MTCH2: variants seen among roughly 807,000 people sequenced by gnomAD.
The protein encoded by MTCH2 is mitochondrial carrier 2.
In MTCH2, 25 loss-of-function variants were observed where a neutral mutation model predicts 50.6. That is an observed-to-expected ratio of 0.49 (90% confidence interval 0.36 to 0.69). The LOEUF is 0.69. Among genes scored for constraint, MTCH2 ranks in the 30% least tolerant of loss-of-function variants. MTCH2 has a pLI of 0.00. For synonymous variants in MTCH2, 106 were observed against 132.0 expected (o/e 0.80, Z 1.35); for missense variants, 273 against 384.4 (o/e 0.71, Z 2.42).
chr11:47,635,665 G>T, intron 3 of MTCH2, 94 bp from the exon 4 acceptor site: 3 of 1,251,804 alleles, frequency 2.4e-6, no homozygotes, highest in Non-Finnish European at 3.3e-6. Context: ...AAGTAAATTA[G>T]CTGAAGTTTT....
intron 10 of MTCH2, 129 bp from the exon 11 acceptor site, chr11:47,625,870 G>A: frequency 1.6e-6 from 1 of 615,070 alleles, no homozygotes; most frequent in South Asian, 2.3e-5. Flanking sequence ...TCGGTACCCT[G>A]GAAAGACAAC....
At position 47,639,018 on chromosome 11, in the gene MTCH2, G is replaced by A; in HGVS notation, c.121C>T (p.Arg41Ter). Residue 41 changes from arginine to a stop codon, truncating the protein, a stop_gained, in exon 2 of 13, where the codon CGA becomes TGA. Transcript: ENST00000302503. LOFTEE classifies it high-confidence loss of function. ...CACACTTGCCGCCCAAAAATATTTCGTCCTATTGTTGGAGGAAGAGGCTCA... is the reference window on the plus strand; with the variant it reads ...CACACTTGCCGCCCAAAAATATTTCATCCTATTGTTGGAGGAAGAGGCTCA... Reference protein sequence around the residue: ...GYEPLPPTIGRNIFGRQVCQL... With the variant: ...GYEPLPPTIG 11 of 1,613,490 alleles carry A rather than the reference G, an allele frequency of 6.8e-6. No individual in the cohort carries two copies. Among genetic ancestry groups the A allele is most frequent in the South Asian group, 1.1e-5 (1 of 90,944 alleles).
chr11:47,625,558 A>T, intron 11 of MTCH2, 116 bp downstream of exon 11: 1 of 790,260 alleles, frequency 1.3e-6, no homozygotes. Flanking sequence ...CTTTTTAAAA[A>T]AATACCAATC....
At chr11:47,609,439 CAG>C in the MTCH2 span, among the ~76,000 whole-genome samples, 2 of 120,144 alleles carry the variant, frequency 1.7e-5, no homozygotes, top group Non-Finnish European at 3.2e-5. Context: ...GCCTGGGCGA[CAG>C]AGTGAGATTC....
At chr11:47,622,303 C>A (rs2097294018) in intron 12 of MTCH2, among the ~76,000 whole-genome samples, 1 of 152,056 alleles carries the variant, frequency 6.6e-6, no homozygotes, top group African/African-American at 2.4e-5. Context: ...AAGTATAAGA[C>A]CAGCTCTGTC....
rs1404241762 is a variant in MTCH2 at position 47,629,060 on chromosome 11, C to T, written c.540-14G>A. On this transcript the variant is annotated splice_polypyrimidine_tract_variant and intron_variant, in intron 8 of 12. Coordinates refer to ENST00000302503, the MANE Select transcript of MTCH2 (RefSeq NM_014342.4). Reference sequence around the variant, plus strand: ...GGAACAAGACCCCTACATGAAGAAACAATAAAAATAAGAACCAAAAAATGT... The same window carrying T: ...GGAACAAGACCCCTACATGAAGAAATAATAAAAATAAGAACCAAAAAATGT... 8 of 1,605,418 alleles carry T rather than the reference C, an allele frequency of 5.0e-6. No individual in the cohort carries two copies. Among genetic ancestry groups the T allele is most frequent in the Non-Finnish European group, 6.0e-6 (7 of 1,174,718 alleles).
chr11:47,636,307 G>A (rs1342743914), intron 3 of MTCH2, among the ~76,000 whole-genome samples: 1 of 151,992 alleles, frequency 6.6e-6, no homozygotes, highest in African/African-American at 2.4e-5. Context: ...GGTGGCGGGC[G>A]CCTGTAATCC....
At chr11:47,609,682 C>A in the MTCH2 span, among the ~76,000 whole-genome samples, 1 of 149,174 alleles carries the variant, frequency 6.7e-6, no homozygotes, top group Non-Finnish European at 1.5e-5. Flanking sequence ...CTTAAGAAAC[C>A]TGGGTCAAAA....
At chr11:47,634,373 C>G (rs1211181950) in intron 5 of MTCH2, among the ~76,000 whole-genome samples, 1 of 152,006 alleles carries the variant, frequency 6.6e-6, no homozygotes, top group African/African-American at 2.4e-5. Context: ...AGCCACCACA[C>G]CTGGCCTATT....
At chr11:47,640,204 C>T (rs1284521454) in intron 1 of MTCH2, among the ~76,000 whole-genome samples, 1 of 151,892 alleles carries the variant, frequency 6.6e-6, no homozygotes, top group African/African-American at 2.4e-5. Context: ...TGGCGGACAC[C>T]TGTAATCCCA....
intron 5 of MTCH2, among the ~76,000 whole-genome samples, chr11:47,632,780 C>T (rs1245592426): frequency 6.6e-6 from 1 of 151,432 alleles, no homozygotes; most frequent in Non-Finnish European, 1.5e-5. Flanking sequence ...CTTGCTGCAA[C>T]CTCCACCTCC....
downstream of MTCH2, among the ~76,000 whole-genome samples, chr11:47,616,021 C>T (rs112313726): frequency 8.4e-3 from 1,273 of 152,146 alleles, 29 homozygotes; most frequent in Middle Eastern, 0.01. Flanking sequence ...TGCAATGGCA[C>T]GATCTCAGCT....
downstream of MTCH2, among the ~76,000 whole-genome samples, chr11:47,614,890 A>G (rs2097287448): frequency 6.6e-6 from 1 of 152,094 alleles, no homozygotes; most frequent in Non-Finnish European, 1.5e-5. Context: ...TTATTTTAAT[A>G]TACATTTTAA....
At chr11:47,612,385 G>C (rs1161354574), downstream of MTCH2, among the ~76,000 whole-genome samples, 1 of 152,124 alleles carries the variant, frequency 6.6e-6, no homozygotes, top group African/African-American at 2.4e-5. Context: ...GGCTAACACA[G>C]TGAAACCCCG....
chr11:47,631,976 TC>T (rs1264450990), intron 5 of MTCH2, among the ~76,000 whole-genome samples: 1 of 152,138 alleles, frequency 6.6e-6, no homozygotes, highest in African/African-American at 2.4e-5. Flanking sequence ...TGTTGTTTTC[TC>T]AATTTTACAG....
the MTCH2 span, among the ~76,000 whole-genome samples, chr11:47,609,789 T>C: frequency 3.9e-5 from 6 of 152,216 alleles, no homozygotes; most frequent in Admixed American, 3.9e-4. Context: ...TCCAGCTTTA[T>C]CTACTGCCTA....
chr11:47,616,228 A>G (rs2097288320), downstream of MTCH2, among the ~76,000 whole-genome samples: 2 of 151,684 alleles, frequency 1.3e-5, no homozygotes, highest in Admixed American at 6.6e-5. Flanking sequence ...CCCCCAGCCC[A>G]CCCCACACTC....
intron 3 of MTCH2, among the ~76,000 whole-genome samples, chr11:47,638,300 G>A (rs1459818073): frequency 6.8e-6 from 1 of 147,324 alleles, no homozygotes; most frequent in Non-Finnish European, 1.5e-5. Context: ...GGTGGCTCAT[G>A]CTTGTAATCC....
intron 11 of MTCH2, among the ~76,000 whole-genome samples, chr11:47,623,092 C>T (rs545823314): frequency 3.8e-4 from 57 of 151,236 alleles, no homozygotes; most frequent in Middle Eastern, 3.5e-3. Context: ...GAAAGGTGGC[C>T]GGGCACGGTG....
Sources: allele counts gnomAD v4.1 joint callset (sites outside exome capture counted in the v4.1 genomes callset), GRCh38; gene constraint gnomAD v4.1.1; transcripts MANE v1.5; gene names NCBI Gene and HGNC (gene_info 2026-07-23, HGNC 2026-07-21).